ANKRD26: variants seen among roughly 807,000 people sequenced by gnomAD.
ANKRD26 encodes the protein ankyrin repeat domain 26.
ANKRD26 carries 141 observed loss-of-function variants against 208.7 expected under a neutral mutation model. The observed-to-expected ratio is 0.68, with a 90% CI of 0.59 to 0.78. ANKRD26 has a LOEUF of 0.78. Ranked by LOEUF, ANKRD26 falls within the 30% of genes least tolerant of loss-of-function variation. The pLI, the probability that ANKRD26 is intolerant of heterozygous loss-of-function variation, is 0.00. For missense variants in ANKRD26, 1,889 were observed against 1,938.7 expected (o/e 0.97, Z 0.48); for synonymous variants, 636 against 660.4 (o/e 0.96, Z 0.57).
At chr10:26,998,368 C>G (rs189627057) in intron 4 of ANKRD26, among the ~76,000 whole-genome samples, 3 of 152,162 alleles carry the variant, frequency 2.0e-5, no homozygotes, top group Non-Finnish European at 2.9e-5. Flanking sequence ...AGAGAAGGTG[C>G]TCGCTCCCAG....
Position 27,035,278 on chromosome 10 carries a change from T to C in ANKRD26, c.3172A>G (p.Asn1058Asp), listed in dbSNP as rs1300377582. 2 of 1,613,892 alleles carry C rather than the reference T, an allele frequency of 1.2e-6. No individual in the cohort carries two copies. Among genetic ancestry groups the C allele is most frequent in the Non-Finnish European group, 1.7e-6 (2 of 1,179,866 alleles). Residue 1058 changes from asparagine (N) to aspartate (D), a missense_variant, in exon 24 of 34, where the codon AAC becomes GAC. Coordinates refer to ENST00000376087, the MANE Select transcript of ANKRD26 (RefSeq NM_014915.3). Reference protein sequence around the residue: ...MNFDVSNLKDNNEILSQQLFK... With the variant: ...MNFDVSNLKDDNEILSQQLFK... ...AGTTGTTGAGAAAGAATCTCATTGT[T>C]ATCTTTTAGGTTAGACACATCAAAA...
the ANKRD26 span, among the ~76,000 whole-genome samples, chr10:26,967,976 C>T: frequency 6.6e-6 from 1 of 152,330 alleles, no homozygotes; most frequent in East Asian, 1.9e-4. Context: ...ACCCCTCAAT[C>T]CGCATTCGAC....
intron 9 of ANKRD26, among the ~76,000 whole-genome samples, chr10:27,070,827 G>A (rs1247537013): frequency 1.3e-5 from 2 of 151,956 alleles, no homozygotes; most frequent in African/African-American, 2.4e-5. Context: ...CACCACGCCC[G>A]GCTAATTTTT....
At chr10:27,047,701 A>C (rs72807632) in intron 17 of ANKRD26, among the ~76,000 whole-genome samples, 21,717 of 137,804 alleles carry the variant, frequency 0.16, 1,763 homozygotes, top group East Asian at 0.29. Context: ...AACTGTAATA[A>C]TACTACTACT....
intron 7 of ANKRD26, among the ~76,000 whole-genome samples, chr10:27,078,214 G>C (rs921041014): frequency 1.3e-5 from 2 of 152,068 alleles, no homozygotes; most frequent in Non-Finnish European, 1.5e-5. Context: ...AAAAATAAAT[G>C]ATTGTATAAA....
chr10:26,948,869 C>T, the ANKRD26 span, among the ~76,000 whole-genome samples: 2,742 of 152,226 alleles, frequency 0.018, 82 homozygotes, highest in African/African-American at 0.061. Flanking sequence ...GTGGTGGTTG[C>T]CTGTAATCCC....
chr10:27,050,735 T>C (rs1207220220), intron 16 of ANKRD26, among the ~76,000 whole-genome samples: 1 of 152,176 alleles, frequency 6.6e-6, no homozygotes, highest in Non-Finnish European at 1.5e-5. Flanking sequence ...AAAAAAACCC[T>C]AGCACTTATT....
intron 4 of ANKRD26, among the ~76,000 whole-genome samples, chr10:26,980,869 G>A (rs1221075512): frequency 6.6e-6 from 1 of 152,162 alleles, no homozygotes; most frequent in African/African-American, 2.4e-5. Context: ...CAAGGGGGAT[G>A]TAAGCAATTC....
intron 20 of ANKRD26, among the ~76,000 whole-genome samples, chr10:27,040,965 A>T (rs891117152): frequency 6.6e-6 from 1 of 150,626 alleles, no homozygotes; most frequent in Non-Finnish European, 1.5e-5. Flanking sequence ...CAGGAGGTGG[A>T]GGTTGCAGTG....
Position 27,050,461 on chromosome 10 carries a change from A to C in ANKRD26, c.1636-1482T>G, listed in dbSNP as rs1308877433. On this transcript the variant is annotated intron_variant, in intron 16 of 33. Transcript: ENST00000376087. ...AACAGAAACATTTGACTGGTGTTTT[A>C]AAAAATATGTGAAAGTACATGTATT... 2.0e-5 allele frequency among the ~76,000 whole-genome samples: 3 copies of C among 152,166 alleles called. No homozygotes were observed. In the East Asian group the frequency reaches 5.8e-4, roughly 29 times the overall value.
intron 9 of ANKRD26, among the ~76,000 whole-genome samples, chr10:27,068,727 A>G (rs1482156258): frequency 6.6e-6 from 1 of 152,106 alleles, no homozygotes; most frequent in Admixed American, 6.6e-5. Flanking sequence ...GATACATTTC[A>G]GAAAGGTCAC....
intron 32 of ANKRD26, among the ~76,000 whole-genome samples, chr10:27,009,081 C>T (rs1014452668): frequency 7.2e-5 from 11 of 152,148 alleles, no homozygotes; most frequent in South Asian, 2.1e-4. Flanking sequence ...CCTCGTGATC[C>T]GCCCACCTGG....
chr10:27,035,327 A>G lies in ANKRD26; in HGVS notation c.3123T>C (p.Cys1041=), dbSNP rs1363239545. Residue 1041 remains cysteine, a synonymous_variant, in exon 24 of 34, where the codon TGT becomes TGC. Coordinates refer to ENST00000376087, the MANE Select transcript of ANKRD26 (RefSeq NM_014915.3). ...ELAFQRARDE[C]SRLQDKMNFD... is the part of the protein sequence containing the mutation. ...AATTCATTTTGTCCTGTAAACGAGA[A>G]CATTCATCTCTTGCTCTCTGGAAAG... 1.6e-5 allele frequency: 26 copies of G among 1,613,830 alleles called. No individual in the cohort carries two copies. Among genetic ancestry groups the G allele is most frequent in the Non-Finnish European group, 2.2e-5 (26 of 1,179,930 alleles).
At position 27,035,346 on chromosome 10, in the gene ANKRD26, T is replaced by C. The variant is rs1292714820; in HGVS notation, c.3104A>G (p.Gln1035Arg). 2 of 1,614,008 alleles carry C rather than the reference T, an allele frequency of 1.2e-6. No homozygotes were observed. Among genetic ancestry groups the C allele is most frequent in the Middle Eastern group, 1.6e-4 (1 of 6,062 alleles). Reference protein sequence around the residue: ...TSKRELELAFQRARDECSRLQ... With the variant: ...TSKRELELAFRRARDECSRLQ... ...ACGAGAACATTCATCTCTTGCTCTC[T>C]GGAAAGCAAGTTCTAGTTCTCTTTT... The change falls in exon 24 of 34, where the codon CAG (glutamine) becomes CGG (arginine). Residue 1035 changes from glutamine to arginine, a missense_variant. This residue lies in a region of ANKRD26 where 1,272 missense variants were observed against 1,273.8 expected (regional missense o/e 1.00). Coordinates refer to ENST00000376087, the MANE Select transcript of ANKRD26 (RefSeq NM_014915.3).
chr10:27,098,299 A>C (rs12259472), intron 1 of ANKRD26, among the ~76,000 whole-genome samples: 32,505 of 151,206 alleles, frequency 0.21, 3,812 homozygotes, highest in East Asian at 0.4. Flanking sequence ...CATGAGCCAC[A>C]GGTGCCCAGC....
At chr10:27,029,567 C>T (rs2135122844) in intron 25 of ANKRD26, among the ~76,000 whole-genome samples, 1 of 152,198 alleles carries the variant, frequency 6.6e-6, no homozygotes. Flanking sequence ...TACTATCTGG[C>T]CCTTTACAGA....
intron 19 of ANKRD26, 144 bp downstream of exon 19, chr10:27,044,013 C>G (rs1375449471): frequency 1.6e-6 from 1 of 611,034 alleles, no homozygotes; most frequent in Non-Finnish European, 2.5e-6. Flanking sequence ...AGGCTGGTCT[C>G]AAATTCCTGG....
At chr10:26,984,719 G>T (rs1190037381) in intron 3 of ANKRD26, among the ~76,000 whole-genome samples, 1 of 152,142 alleles carries the variant, frequency 6.6e-6, no homozygotes, top group East Asian at 1.9e-4. Flanking sequence ...CCTGACACAT[G>T]GGCCTTCCCA....
rs976520479 is a variant in ANKRD26 at position 27,060,544 on chromosome 10, A to C, written c.1463-4T>G. On this transcript the variant is annotated splice_polypyrimidine_tract_variant and splice_region_variant and intron_variant, in intron 13 of 33. Coordinates refer to ENST00000376087, the MANE Select transcript of ANKRD26 (RefSeq NM_014915.3). ...TGAAGATATCTCTCAGGAGACTCTA[A>C]AAACCAAAAGGGACATATAATCAAT... The C allele has an allele frequency of 4.6e-6, 7 of 1,526,484 alleles. No individual in the cohort carries two copies. Among genetic ancestry groups the C allele is most frequent in the Non-Finnish European group, 6.3e-6 (7 of 1,105,050 alleles). The allele number at this position is 1,526,484 out of a possible 1,614,324, so 94.6% of individuals were successfully genotyped here.
Sources: allele counts gnomAD v4.1 joint callset (sites outside exome capture counted in the v4.1 genomes callset), GRCh38; gene constraint gnomAD v4.1.1; regional missense constraint gnomAD v4.1.1; transcripts MANE v1.5; gene names NCBI Gene and HGNC (gene_info 2026-07-23, HGNC 2026-07-21).